The following ZP3 variants were observed in gnomAD, a reference collection of about 807,000 sequenced individuals.
The protein encoded by ZP3 is zona pellucida glycoprotein 3.
A neutral mutation model predicts 35.6 loss-of-function variants in ZP3; 21 were observed. The observed-to-expected ratio is 0.59, with a 90% CI of 0.42 to 0.85. The LOEUF (loss-of-function observed/expected upper bound fraction) is 0.85. ZP3 is among the 40% of genes least tolerant of loss of function. The pLI is 0.00. For synonymous variants in ZP3, 207 were observed against 214.5 expected (o/e 0.96, Z 0.31); for missense variants, 437 against 536.5 (o/e 0.81, Z 1.83).
intron 1 of ZP3, among the ~76,000 whole-genome samples, chr7:76,398,033 C>T (rs1352437734): frequency 6.6e-6 from 1 of 152,106 alleles, no homozygotes; most frequent in South Asian, 2.1e-4. Context: ...AACCCCCCTA[C>T]CCTGCTCCCT....
chr7:76,421,054 G>C (rs192280723), upstream of ZP3, among the ~76,000 whole-genome samples: 58 of 151,908 alleles, frequency 3.8e-4, no homozygotes, highest in African/African-American at 1.4e-3. Context: ...TCTTGCCTCA[G>C]CCTCCTGAGT....
chr7:76,405,034 C>T lies in ZP3; in HGVS notation c.-67+7237C>T, dbSNP rs111839543. ...GCAGTGAGCTGAGATCATGCCACTGCACTCCAGCCTGGGCGACAGAGCAAG... is the reference window on the plus strand; with the variant it reads ...GCAGTGAGCTGAGATCATGCCACTGTACTCCAGCCTGGGCGACAGAGCAAG... On this transcript the variant is annotated intron_variant, in intron 1 of 8. Transcript: ENST00000336517. Among the ~76,000 whole-genome samples the T allele has an allele frequency of 8.4e-3, 1,274 of 151,254 alleles. 22 individuals are homozygous for T. The highest frequency in any genetic ancestry group is 0.03 in the African/African-American group (1,223 of 41,308).
At chr7:76,405,351 T>TCTTTC in intron 1 of ZP3, among the ~76,000 whole-genome samples, 6 of 103,610 alleles carry the variant, frequency 5.8e-5, no homozygotes, top group African/African-American at 1.1e-4. Flanking sequence ...TTTTTTTTTT[T>TCTTTC]TTTTTTTTTT....
intron 1 of ZP3, chr7:76,409,323 TCACACACACACACACACA>T (rs3081030): frequency 6.8e-6 from 1 of 146,428 alleles, no homozygotes; most frequent in African/African-American, 2.5e-5. Context: ...TCTCTCTGTC[TCACACACACACACACACA>T]CACACACACA....
upstream of ZP3, among the ~76,000 whole-genome samples, chr7:76,421,929 C>T (rs555468386): frequency 6.6e-6 from 1 of 151,768 alleles, no homozygotes; most frequent in South Asian, 2.1e-4. Context: ...CAGAGTGTTG[C>T]TCTGTTACCC....
At chr7:76,441,143 C>T (rs897097318) in intron 7 of ZP3, among the ~76,000 whole-genome samples, 3 of 151,410 alleles carry the variant, frequency 2.0e-5, no homozygotes, top group African/African-American at 7.3e-5. Flanking sequence ...TGTACTCCAG[C>T]CTGGGCAACA....
chr7:76,397,892 C>A (rs771889314), intron 1 of ZP3: 2 of 1,440,282 alleles, frequency 1.4e-6, no homozygotes, highest in African/African-American at 1.4e-5. Context: ...CCGTCCGCAC[C>A]GCAAGGGCAG....
At chr7:76,416,911 C>CACATAT (rs1425742060) in intron 1 of ZP3, among the ~76,000 whole-genome samples, 1 of 138,332 alleles carries the variant, frequency 7.2e-6, no homozygotes, top group Non-Finnish European at 1.5e-5. Flanking sequence ...CATATGTATA[C>CACATAT]ATACATATAT....
intron 1 of ZP3, among the ~76,000 whole-genome samples, chr7:76,426,836 C>A (rs1327870393): frequency 1.4e-5 from 2 of 145,896 alleles, no homozygotes; most frequent in East Asian, 4.1e-4. Flanking sequence ...TTAAGGCCAC[C>A]CTGGGCAACA....
chr7:76,412,718 G>C (rs966008175), intron 1 of ZP3, among the ~76,000 whole-genome samples: 1 of 151,824 alleles, frequency 6.6e-6, no homozygotes, highest in Non-Finnish European at 1.5e-5. Flanking sequence ...GGGTGGTGGC[G>C]CATGCCTGTA....
chr7:76,422,946 G>A (rs1319024444), upstream of ZP3, among the ~76,000 whole-genome samples: 3 of 149,830 alleles, frequency 2.0e-5, no homozygotes, highest in South Asian at 2.1e-4. Context: ...GCAGTGAGTC[G>A]AGATAGCACC....
intron 5 of ZP3, among the ~76,000 whole-genome samples, chr7:76,434,607 C>G (rs1454677155): frequency 1.4e-5 from 2 of 138,462 alleles, no homozygotes; most frequent in East Asian, 4.7e-4. Context: ...CACTGCACCT[C>G]CAGCCTGAGT....
intron 1 of ZP3, among the ~76,000 whole-genome samples, 163 bp downstream of exon 1, chr7:76,425,439 G>A (rs929991342): frequency 7.2e-5 from 11 of 152,286 alleles, no homozygotes; most frequent in South Asian, 4.1e-4. Flanking sequence ...TGAGGTCACC[G>A]GACCCAGGGC....
At chr7:76,401,071 C>T (rs763839537) in intron 1 of ZP3, 94 of 1,527,088 alleles carry the variant, frequency 6.2e-5, no homozygotes, top group Middle Eastern at 5.1e-4. Context: ...AGAGCATTGG[C>T]CCCTCTGCCC....
intron 1 of ZP3, among the ~76,000 whole-genome samples, chr7:76,405,729 G>T (rs540895082): frequency 1.3e-5 from 2 of 152,090 alleles, no homozygotes; most frequent in Admixed American, 6.6e-5. Flanking sequence ...GGATGGAAAC[G>T]CATGAGGAGT....
rs773046518 is a variant in ZP3 at position 76,425,143 on chromosome 7, T to C, written c.179T>C (p.Phe60Ser). The C allele has an allele frequency of 6.2e-7, 1 of 1,613,982 alleles. No individual in the cohort carries two copies. The highest frequency in any genetic ancestry group is 1.1e-5 in the South Asian group (1 of 91,078). The change falls in exon 1 of 8, where the codon TTT becomes TCT. Residue 60 changes from phenylalanine to serine, a missense_variant. Around this residue, in one of 6 missense-constraint regions of ZP3, gnomAD observed 352 missense variants for 308.4 expected, o/e 1.14. Transcript: ENST00000394857. Reference protein sequence around the residue: ...TLMVMVSKDLFGTGKLIRAAD... With the variant: ...TLMVMVSKDLSGTGKLIRAAD... Reference sequence around the variant, plus strand: ...ATGGTCATGGTCAGCAAAGACCTTTTTGGCACCGGGAAGCTCATCAGGGCT... The same window carrying C: ...ATGGTCATGGTCAGCAAAGACCTTTCTGGCACCGGGAAGCTCATCAGGGCT...
At chr7:76,440,667 C>T (rs1260494220) in intron 7 of ZP3, 56 bp downstream of exon 7, 2 of 1,555,164 alleles carry the variant, frequency 1.3e-6, no homozygotes, top group East Asian at 2.3e-5. Flanking sequence ...GTTGAGGGTA[C>T]CTGCTGTCAT....
At chr7:76,419,657 C>T (rs200812984) in intron 1 of ZP3, among the ~76,000 whole-genome samples, 26 of 149,088 alleles carry the variant, frequency 1.7e-4, no homozygotes, top group Non-Finnish European at 2.5e-4. Flanking sequence ...CTCTCTCTCT[C>T]TCTTTCTTTC....
At chr7:76,429,387 T>G (rs1313417484) in intron 1 of ZP3, 128 bp from the exon 2 acceptor site, 4 of 837,374 alleles carry the variant, frequency 4.8e-6, no homozygotes, top group Non-Finnish European at 8.1e-6. Flanking sequence ...CATGAGTCAC[T>G]GCACCTGGCC....
Sources: gnomAD v4.1 joint callset for allele counts (sites outside exome capture counted in the v4.1 genomes callset) on GRCh38, gnomAD v4.1.1 for gene constraint, gnomAD v4.1.1 regional missense constraint, MANE v1.5 for transcripts, NCBI Gene and HGNC (gene_info 2026-07-23, HGNC 2026-07-21) for gene names.